Variants in PARP15 observed in about 807,000 individuals in gnomAD.
PARP15 encodes protein mono-ADP-ribosyltransferase PARP15.
Under a neutral mutation model 62.1 loss-of-function variants are expected in PARP15, and 50 were observed. That is an observed-to-expected ratio of 0.81 (90% CI 0.64 to 1.02). The LOEUF (loss-of-function observed/expected upper bound fraction) is 1.02, where lower values mean the gene tolerates loss of function less well. Ranked by LOEUF, PARP15 falls within the 50% of genes least tolerant of loss-of-function variation. The pLI is 0.00. For synonymous variants in PARP15, 309 were observed against 293.1 expected (o/e 1.05, Z -0.55); for missense variants, 820 against 826.5 (o/e 0.99, Z 0.10).
intron 3 of PARP15, among the ~76,000 whole-genome samples, chr3:122,611,231 T>C (rs559620420): frequency 6.6e-6 from 1 of 152,318 alleles, no homozygotes; most frequent in South Asian, 2.1e-4. Context: ...TTCCCAACTT[T>C]TTTTCAGAAT....
At chr3:122,600,168 C>G (rs1231376775) in intron 1 of PARP15, among the ~76,000 whole-genome samples, 4 of 152,104 alleles carry the variant, frequency 2.6e-5, no homozygotes, top group African/African-American at 9.7e-5. Flanking sequence ...TTGCTATCAC[C>G]TCTGACATAA....
intron 9 of PARP15, among the ~76,000 whole-genome samples, chr3:122,630,325 G>A (rs1936992991): frequency 6.6e-6 from 1 of 152,180 alleles, no homozygotes; most frequent in Non-Finnish European, 1.5e-5. Flanking sequence ...TGTGGCTTAA[G>A]GGTGTGATTT....
chr3:122,608,768 C>CTTTT (rs200651765), intron 2 of PARP15, among the ~76,000 whole-genome samples: 3 of 137,180 alleles, frequency 2.2e-5, no homozygotes, highest in African/African-American at 7.9e-5. Flanking sequence ...AACAAGGTTA[C>CTTTT]TTTTTTTTTT....
intron 1 of PARP15, among the ~76,000 whole-genome samples, chr3:122,603,680 T>G (rs1343167242): frequency 6.6e-6 from 1 of 152,180 alleles, no homozygotes; most frequent in Non-Finnish European, 1.5e-5. Flanking sequence ...AGTCTTCACA[T>G]CAATGCTTTA....
intron 4 of PARP15, 79 bp from the exon 5 acceptor site, chr3:122,615,700 C>A (rs1392867458): frequency 2.5e-6 from 4 of 1,602,104 alleles, no homozygotes; most frequent in Non-Finnish European, 3.4e-6. Context: ...TCTTTGATAT[C>A]TGATGATCAA....
chr3:122,591,689 A>G (rs185638276), intron 1 of PARP15, among the ~76,000 whole-genome samples: 44 of 134,582 alleles, frequency 3.3e-4, no homozygotes, highest in Non-Finnish European at 4.8e-4. Context: ...TGAACCAGGG[A>G]GGCGGTTATT....
At chr3:122,613,305 G>C (rs1412360354) in intron 4 of PARP15, 37 bp downstream of exon 4, 4 of 1,454,724 alleles carry the variant, frequency 2.7e-6, no homozygotes, top group Non-Finnish European at 3.8e-6. Context: ...ATTCTGGCAA[G>C]TGAACCCAAG....
intron 3 of PARP15, among the ~76,000 whole-genome samples, chr3:122,611,311 C>T (rs1576516667): frequency 6.6e-6 from 1 of 152,072 alleles, no homozygotes; most frequent in South Asian, 2.1e-4. Flanking sequence ...AATAATAATC[C>T]AACCACCAAG....
At chr3:122,590,486 G>A (rs905579304) in intron 1 of PARP15, among the ~76,000 whole-genome samples, 5 of 151,890 alleles carry the variant, frequency 3.3e-5, no homozygotes, top group African/African-American at 9.7e-5. Flanking sequence ...TTGTTAGCCA[G>A]GATGGTCTCG....
chr3:122,631,131 C>A (rs867360457), intron 9 of PARP15, among the ~76,000 whole-genome samples: 2 of 152,256 alleles, frequency 1.3e-5, no homozygotes, highest in South Asian at 2.1e-4. Flanking sequence ...GACTGTAAGG[C>A]CTTGGACTAG....
At chr3:122,632,914 A>T (rs1937140008) in intron 10 of PARP15, among the ~76,000 whole-genome samples, 1 of 152,224 alleles carries the variant, frequency 6.6e-6, no homozygotes, top group South Asian at 2.1e-4. Flanking sequence ...CTGATGGGGT[A>T]GAATGCATGT....
chr3:122,593,467 A>T (rs7611340), intron 1 of PARP15, among the ~76,000 whole-genome samples: 143,757 of 152,138 alleles, frequency 0.94, 68,100 homozygotes, highest in Non-Finnish European at 0.98. Flanking sequence ...ATACGTTTTT[A>T]TCTATGTTAT....
At chr3:122,612,745 A>T (rs1283502723) in intron 3 of PARP15, among the ~76,000 whole-genome samples, 1 of 151,784 alleles carries the variant, frequency 6.6e-6, no homozygotes, top group Non-Finnish European at 1.5e-5. Flanking sequence ...TTTTTTTTTA[A>T]CTTAACATAA....
At chr3:122,584,518 G>A in intron 1 of PARP15, among the ~76,000 whole-genome samples, 1 of 151,294 alleles carries the variant, frequency 6.6e-6, no homozygotes, top group Admixed American at 6.6e-5. Flanking sequence ...ATGCTTCTTT[G>A]GGATTGAAGT....
chr3:122,632,080 T>G lies in PARP15; in HGVS notation c.1439-6T>G. 1 of 1,614,042 alleles carries G rather than the reference T, an allele frequency of 6.2e-7. No homozygotes were observed. Among genetic ancestry groups the G allele is most frequent in the South Asian group, 1.1e-5 (1 of 91,074 alleles). On this transcript the variant is annotated splice_polypyrimidine_tract_variant and splice_region_variant and intron_variant, in intron 9 of 11. Transcript: ENST00000464300. Reference sequence around the variant, plus strand: ...GTTGTGTTTTGACCAAATGCTGACTTTCCAGGTAATCTTCCTGAACACTGG... The same window carrying G: ...GTTGTGTTTTGACCAAATGCTGACTGTCCAGGTAATCTTCCTGAACACTGG...
chr3:122,619,768 A>G lies in PARP15; in HGVS notation c.1001-13A>G. The G allele has an allele frequency of 1.2e-6, 2 of 1,601,844 alleles. No individual in the cohort carries two copies. Among genetic ancestry groups the G allele is most frequent in the Non-Finnish European group, 1.7e-6 (2 of 1,169,020 alleles). ...CTAACTGATGCCTTTTACCATTAAC[A>G]TGTCTTATTTAGGTGTGTCAAGAGC... On this transcript the variant is annotated splice_polypyrimidine_tract_variant and intron_variant, in intron 6 of 11. Coordinates refer to ENST00000464300, the MANE Select transcript of PARP15 (RefSeq NM_001113523.3).
At chr3:122,631,054 C>A (rs6766687) in intron 9 of PARP15, among the ~76,000 whole-genome samples, 13,363 of 152,240 alleles carry the variant, frequency 0.088, 1,795 homozygotes, top group African/African-American at 0.29. Context: ...CCCCAAAAAA[C>A]CTTCACCTCC....
At chr3:122,614,168 G>T (rs747614172) in intron 4 of PARP15, among the ~76,000 whole-genome samples, 1 of 152,164 alleles carries the variant, frequency 6.6e-6, no homozygotes, top group Non-Finnish European at 1.5e-5. Context: ...TGTAAGATGA[G>T]TGTGGTAATA....
chr3:122,638,297 T>C lies in PARP15; in HGVS notation c.*2197T>C, dbSNP rs370767197. 8.5e-5 allele frequency: 13 copies of C among 152,230 alleles called. No homozygotes were observed. Among genetic ancestry groups the C allele is most frequent in the East Asian group, 3.9e-4 (2 of 5,190 alleles). The allele number at this position is 152,230 out of a possible 1,614,324, so 9.4% of individuals were successfully genotyped here. A position where few individuals can be genotyped will look rare whatever the true frequency, so the allele number is the denominator to read the frequency against. Reference sequence around the variant, plus strand: ...GTCTTTACAGCAGCATGATTTATAATCCTTTGGGTATATACCCAGTAATGG... The same window carrying C: ...GTCTTTACAGCAGCATGATTTATAACCCTTTGGGTATATACCCAGTAATGG... On this transcript the variant is annotated 3_prime_UTR_variant, in exon 12 of 12. Transcript: ENST00000464300.
Sources: allele counts gnomAD v4.1 joint callset (sites outside exome capture counted in the v4.1 genomes callset), GRCh38; gene constraint gnomAD v4.1.1; transcripts MANE v1.5; gene names NCBI Gene and HGNC (gene_info 2026-07-23, HGNC 2026-07-21).